PPARGC1B: variants seen among roughly 807,000 people sequenced by gnomAD.
PPARGC1B encodes peroxisome proliferator-activated receptor gamma coactivator 1-beta.
In PPARGC1B, 34 loss-of-function variants were observed where a neutral mutation model predicts 101.6. That is an observed-to-expected ratio of 0.33 (90% CI 0.25 to 0.45). PPARGC1B has a LOEUF of 0.45. PPARGC1B is among the 20% of genes least tolerant of loss of function. The pLI, the probability that PPARGC1B is intolerant of heterozygous loss-of-function variation, is 1.00. For synonymous variants in PPARGC1B, 548 were observed against 539.3 expected (o/e 1.02, Z -0.22); for missense variants, 1,234 against 1,317.6 (o/e 0.94, Z 0.98).
intron 1 of PPARGC1B, among the ~76,000 whole-genome samples, chr5:149,794,940 A>ATG (rs1757157270): frequency 6.6e-6 from 1 of 152,174 alleles, no homozygotes; most frequent in Non-Finnish European, 1.5e-5. Context: ...TGCCCCACTG[A>ATG]TGTGTGCCCT....
rs1759145331 is a variant in PPARGC1B, at chr5:149,837,346, A to G, written c.2618+273A>G. Reference sequence around the variant, plus strand: ...AAAGAAAGAAAACCCACTCCTGGCTATTTGTGGGCTTACGTCTATAAAGGA... The same window carrying G: ...AAAGAAAGAAAACCCACTCCTGGCTGTTTGTGGGCTTACGTCTATAAAGGA... On this transcript the variant is annotated intron_variant, in intron 8 of 11. Coordinates refer to ENST00000309241, the MANE Select transcript of PPARGC1B (RefSeq NM_133263.4). The surrounding 1 kb of genome is among the most constrained non-coding windows in gnomAD (Gnocchi z 4.2). 6.6e-6 allele frequency among the ~76,000 whole-genome samples: 1 copy of G among 152,202 alleles called. No individual in the cohort carries two copies. The highest frequency in any genetic ancestry group is 1.5e-5 in the Non-Finnish European group (1 of 68,040).
Position 149,837,207 on chromosome 5 carries a change from T to A in PPARGC1B, c.2618+134T>A. On this transcript the variant is annotated intron_variant, in intron 8 of 11. Transcript: ENST00000309241. This position sits in a 1 kb window ranked among gnomAD's most constrained non-coding sequence, Gnocchi z 4.2. ...AGGCTGCATCTCCCAGTGTGGCCCA[T>A]GTCTTGGTCAGGAGCCTTGAAGGTG... The A allele has an allele frequency of 7.2e-7, 1 of 1,387,310 alleles. No homozygotes were observed. Among genetic ancestry groups the A allele is most frequent in the South Asian group, 1.5e-5 (1 of 67,206 alleles). 85.9% of individuals were successfully genotyped at this position (1,387,310 alleles called of 1,614,324 possible).
chr5:149,789,686 C>G (rs1159076379), intron 1 of PPARGC1B, among the ~76,000 whole-genome samples: 1 of 152,230 alleles, frequency 6.6e-6, no homozygotes, highest in Non-Finnish European at 1.5e-5. Context: ...CAAGATCACA[C>G]AGCTGCAGTA....
intron 1 of PPARGC1B, among the ~76,000 whole-genome samples, chr5:149,753,167 A>G (rs2113126565): frequency 6.6e-6 from 1 of 152,276 alleles, no homozygotes; most frequent in African/African-American, 2.4e-5. Flanking sequence ...GATTGATCAT[A>G]GTTTGTTTAA....
chr5:149,839,981 C>T, intron 8 of PPARGC1B, 60 bp from the exon 9 acceptor site: 1 of 1,546,682 alleles, frequency 6.5e-7, no homozygotes, highest in Non-Finnish European at 8.9e-7. Flanking sequence ...AGCAGATCCG[C>T]CCCCACCCCC....
rs879207346 is a variant in PPARGC1B at position 149,854,564 on chromosome 5, T to A, written c.*7006T>A. ...AAGTTTTTAGTTTTGCTATTTTTTT[T>A]AATTGGTAGAGGATTTTTATATATT... On this transcript the variant is annotated 3_prime_UTR_variant, in exon 12 of 12. Coordinates refer to ENST00000309241, the MANE Select transcript of PPARGC1B (RefSeq NM_133263.4). The A allele has an allele frequency of 1.3e-5, 2 of 152,230 alleles. No homozygotes were observed. The highest frequency in any genetic ancestry group is 2.9e-5 in the Non-Finnish European group (2 of 68,036). The allele number at this position is 152,230 out of a possible 1,614,324, so 9.4% of individuals were successfully genotyped here.
chr5:149,846,309 G>T, intron 11 of PPARGC1B: 1 of 406,898 alleles, frequency 2.5e-6, no homozygotes, highest in Non-Finnish European at 4.4e-6. Context: ...GGGACAAGAT[G>T]ATGAAGAAGG....
chr5:149,812,279 C>T (rs1757893326), intron 1 of PPARGC1B, among the ~76,000 whole-genome samples: 1 of 152,198 alleles, frequency 6.6e-6, no homozygotes, highest in Non-Finnish European at 1.5e-5. Flanking sequence ...CTTATTTTGT[C>T]TGGAGTTTAA....
chr5:149,818,091 G>T (rs923948275), intron 1 of PPARGC1B, among the ~76,000 whole-genome samples: 9 of 152,208 alleles, frequency 5.9e-5, no homozygotes, highest in Admixed American at 2.0e-4. Context: ...GCCACTGAGT[G>T]CTGGTGATTT....
Position 149,833,341 on chromosome 5 carries a change from C to T in PPARGC1B, c.1268C>T (p.Pro423Leu), listed in dbSNP as rs764412266. 3.1e-6 allele frequency: 5 copies of T among 1,613,322 alleles called. No homozygotes were observed. In the Admixed American group the frequency reaches 6.7e-5, roughly 22 times the overall value. ...GAGGTGAAAAGGGAGGTCCGCCGGC[C>T]TGCCAGACTGCAGCAGCAGGAGGAG... ...RLEVKREVRR[P>L]ARLQQQEEED... Residue 423 changes from proline (P) to leucine (L), a missense_variant, in exon 5 of 12, where the codon CCT (proline) becomes CTT (leucine). Physicochemically the swap from Pro to Leu is moderately conservative, Grantham distance 98. Coordinates refer to ENST00000309241, the MANE Select transcript of PPARGC1B (RefSeq NM_133263.4). The surrounding 1 kb of genome is among the most constrained non-coding windows in gnomAD (Gnocchi z 4.1).
intron 1 of PPARGC1B, among the ~76,000 whole-genome samples, chr5:149,757,283 A>T (rs1270648124): frequency 6.7e-6 from 1 of 148,744 alleles, no homozygotes; most frequent in Non-Finnish European, 1.5e-5. Context: ...GTCATAAAGT[A>T]CACAAACGAT....
chr5:149,831,891 G>GT (rs1395173833), intron 4 of PPARGC1B, among the ~76,000 whole-genome samples: 2 of 152,120 alleles, frequency 1.3e-5, no homozygotes, highest in Non-Finnish European at 2.9e-5. Context: ...TGAATTTTTT[G>GT]TTTTTTTAAA....
At chr5:149,784,560 C>CGTTTGTTTTTTTTTTTTTTTTTT (rs1756717484) in intron 1 of PPARGC1B, among the ~76,000 whole-genome samples, 1 of 75,716 alleles carries the variant, frequency 1.3e-5, no homozygotes, top group Non-Finnish European at 2.4e-5. Context: ...AACTGAGTTT[C>CGTTTGTTTTTTTTTTTTTTTTTT]TTTTTTTTTT....
At chr5:149,843,304 T>C (rs1463805946) in intron 10 of PPARGC1B, among the ~76,000 whole-genome samples, 1 of 152,188 alleles carries the variant, frequency 6.6e-6, no homozygotes, top group East Asian at 1.9e-4. Context: ...CAAAACTTTG[T>C]CAGTTTTGAA....
chr5:149,777,251 C>T (rs1209081821), intron 1 of PPARGC1B, among the ~76,000 whole-genome samples: 1 of 152,134 alleles, frequency 6.6e-6, no homozygotes, highest in Admixed American at 6.5e-5. Flanking sequence ...ACACATAGAC[C>T]GACAAAGACC....
intron 1 of PPARGC1B, among the ~76,000 whole-genome samples, chr5:149,745,889 T>A (rs1163835723): frequency 1.3e-5 from 2 of 152,098 alleles, no homozygotes; most frequent in Non-Finnish European, 2.9e-5. Flanking sequence ...GATTACTTTA[T>A]GAGTGAATGG....
rs369234484 is a variant in PPARGC1B at position 149,833,614 on chromosome 5, A to T, written c.1541A>T (p.Lys514Met). 29 of 1,608,906 alleles carry T rather than the reference A, an allele frequency of 1.8e-5. No individual in the cohort carries two copies. The African/African-American group carries it at 3.6e-4, about 20-fold the overall frequency. ...GALPSLCLAP[K>M]AYDVERELGS... ...CTGCCCTCACTGTGCCTGGCTCCCA[A>T]GGCCTACGACGTAGAGCGGGAGCTG... The change falls in exon 5 of 12, where the codon AAG becomes ATG. Residue 514 changes from lysine to methionine, a missense_variant. Transcript: ENST00000309241. This position sits in a 1 kb window ranked among gnomAD's most constrained non-coding sequence, Gnocchi z 4.1.
Position 149,849,391 on chromosome 5 carries a change from A to T in PPARGC1B, c.*1833A>T, listed in dbSNP as rs1329614197. On this transcript the variant is annotated 3_prime_UTR_variant, in exon 12 of 12. Coordinates refer to ENST00000309241, the MANE Select transcript of PPARGC1B (RefSeq NM_133263.4). ...GGACTCCAATTTCCTTTCCTGTGAAATGAACTGATTAGACATGTTTCAACA... is the reference window on the plus strand; with the variant it reads ...GGACTCCAATTTCCTTTCCTGTGAATTGAACTGATTAGACATGTTTCAACA... 1 of 152,192 alleles carries T rather than the reference A, an allele frequency of 6.6e-6. No individual in the cohort carries two copies. Among genetic ancestry groups the T allele is most frequent in the East Asian group, 1.9e-4 (1 of 5,198 alleles). The allele number at this position is 152,192 out of a possible 1,614,324, so 9.4% of individuals were successfully genotyped here.
chr5:149,799,786 C>T (rs948643854), intron 1 of PPARGC1B, among the ~76,000 whole-genome samples: 2 of 144,358 alleles, frequency 1.4e-5, no homozygotes, highest in Non-Finnish European at 3.0e-5. Flanking sequence ...CAACCTCCGC[C>T]TCCCGGGTTC....
Sources: allele counts gnomAD v4.1 joint callset (sites outside exome capture counted in the v4.1 genomes callset), GRCh38; gene constraint gnomAD v4.1.1; non-coding constraint Gnocchi (gnomAD v3.1); transcripts MANE v1.5; gene names NCBI Gene and HGNC (gene_info 2026-07-23, HGNC 2026-07-21).